Variants in MAF observed in about 807,000 individuals in gnomAD.
MAF encodes MAF bZIP transcription factor.
Under a neutral mutation model 22.0 loss-of-function variants are expected in MAF, and 10 were observed. That is an observed-to-expected ratio of 0.45 (90% CI 0.28 to 0.77). The LOEUF (loss-of-function observed/expected upper bound fraction) is 0.77. Among genes scored for constraint, MAF ranks in the 30% least tolerant of loss-of-function variants. The probability of loss-of-function intolerance (pLI) is 0.12; values close to 1 mark genes in which losing one functional copy is unlikely to be tolerated. For synonymous variants in MAF, 337 were observed against 255.8 expected (o/e 1.32, Z -3.03); for missense variants, 544 against 548.4 (o/e 0.99, Z 0.08).
chr16:79,564,035 C>T, the MAF span, among the ~76,000 whole-genome samples: 23 of 152,190 alleles, frequency 1.5e-4, 1 homozygote, highest in Admixed American at 1.5e-3. Context: ...AAAGAGAGAC[C>T]TTTCAGGCAG....
chr16:79,580,385 A>G, the MAF span, among the ~76,000 whole-genome samples: 6 of 152,254 alleles, frequency 3.9e-5, no homozygotes, highest in Non-Finnish European at 1.5e-5. Context: ...CAAACTGCAC[A>G]TGCTGACTAG....
At chr16:79,394,544 A>T in the MAF span, among the ~76,000 whole-genome samples, 1 of 152,250 alleles carries the variant, frequency 6.6e-6, no homozygotes, top group Admixed American at 6.5e-5. Context: ...CTGTCTTCCC[A>T]ACTTGAGGGG....
At chr16:79,416,807 G>A in the MAF span, among the ~76,000 whole-genome samples, 1 of 152,164 alleles carries the variant, frequency 6.6e-6, no homozygotes, top group Non-Finnish European at 1.5e-5. Flanking sequence ...TGGGGAAGCC[G>A]CTGTGTTGTT....
At chr16:79,556,497 G>A in the MAF span, among the ~76,000 whole-genome samples, 50 of 152,324 alleles carry the variant, frequency 3.3e-4, no homozygotes, top group Admixed American at 5.2e-4. Context: ...CCTGCAGAAG[G>A]AGACTGTAAG....
the MAF span, chr16:79,202,928 A>C: frequency 7.2e-5 from 11 of 152,324 alleles, 1 homozygote; most frequent in African/African-American, 2.6e-4. Context: ...TAGAATGCAA[A>C]CTTTAAAAAA....
chr16:79,405,802 G>A, the MAF span, among the ~76,000 whole-genome samples: 1 of 152,164 alleles, frequency 6.6e-6, no homozygotes, highest in South Asian at 2.1e-4. Flanking sequence ...AGAGGTAGGA[G>A]GTGCTCGCCT....
At chr16:79,456,467 G>T in the MAF span, among the ~76,000 whole-genome samples, 1 of 152,108 alleles carries the variant, frequency 6.6e-6, no homozygotes, top group East Asian at 1.9e-4. Flanking sequence ...AGCCTCAGGG[G>T]TCCACATAAT....
the MAF span, among the ~76,000 whole-genome samples, chr16:79,301,400 A>C: frequency 2.6e-5 from 4 of 152,076 alleles, no homozygotes; most frequent in Non-Finnish European, 4.4e-5. Context: ...TGCTCTTGTT[A>C]TACAACTTAA....
chr16:79,265,889 G>A, the MAF span, among the ~76,000 whole-genome samples: 1 of 152,208 alleles, frequency 6.6e-6, no homozygotes, highest in Non-Finnish European at 1.5e-5. Flanking sequence ...CAGCAGTCGA[G>A]CTGATGACTG....
the MAF span, among the ~76,000 whole-genome samples, chr16:79,534,655 A>T: frequency 1.3e-5 from 2 of 152,168 alleles, no homozygotes; most frequent in African/African-American, 4.8e-5. Flanking sequence ...GTTAATGGGT[A>T]CAGCACACCA....
At chr16:79,552,270 G>A in the MAF span, among the ~76,000 whole-genome samples, 1 of 151,794 alleles carries the variant, frequency 6.6e-6, no homozygotes, top group Non-Finnish European at 1.5e-5. Context: ...TTGGAGTGCA[G>A]TTCAGCAACC....
the MAF span, among the ~76,000 whole-genome samples, chr16:79,468,188 A>T: frequency 6.6e-6 from 1 of 152,086 alleles, no homozygotes; most frequent in African/African-American, 2.4e-5. Context: ...CCCTGCACAT[A>T]CTCACGAGAA....
the MAF span, among the ~76,000 whole-genome samples, chr16:79,408,509 C>G: frequency 1.3e-5 from 2 of 152,144 alleles, no homozygotes; most frequent in African/African-American, 4.8e-5. Context: ...ATCTCATTGA[C>G]TTTTAATAAG....
the MAF span, among the ~76,000 whole-genome samples, chr16:79,477,242 C>T: frequency 6.6e-6 from 1 of 152,222 alleles, no homozygotes; most frequent in African/African-American, 2.4e-5. Context: ...CCACCAGAGC[C>T]TCTGTCATGC....
At chr16:79,252,613 C>T in the MAF span, among the ~76,000 whole-genome samples, 1 of 152,134 alleles carries the variant, frequency 6.6e-6, no homozygotes, top group African/African-American at 2.4e-5. Context: ...CCTGAGCCAC[C>T]AAGGTAGCTG....
chr16:79,523,062 A>T, the MAF span, among the ~76,000 whole-genome samples: 1 of 152,144 alleles, frequency 6.6e-6, no homozygotes, highest in Non-Finnish European at 1.5e-5. Flanking sequence ...TAAAAATTTT[A>T]CCCTCTAGGT....
chr16:79,485,513 C>T, the MAF span, among the ~76,000 whole-genome samples: 5 of 152,276 alleles, frequency 3.3e-5, no homozygotes, highest in African/African-American at 7.2e-5. Flanking sequence ...CGTCTCTGAG[C>T]CCAGCACATA....
In MAF at chr16:79,599,567, G is replaced by GTCCTCGGGGCTGAAGCCCAGC; in HGVS notation, c.315_335dup (p.Glu111_Asp112insGluLeuGlyPheSerProGlu). ...TGTTGCTGATGAGCGCCTCGACCGC[G>GTCCTCGGGGCTGAAGCCCAGC]TCCTCGGGGCTGAAGCCCAGCGCCT... On this transcript the variant is annotated inframe_insertion, in exon 1 of 2. Coordinates refer to ENST00000326043, the MANE Select transcript of MAF (RefSeq NM_005360.5). 1 of 1,596,058 alleles carries GTCCTCGGGGCTGAAGCCCAGC rather than the reference G, an allele frequency of 6.3e-7. No homozygotes were observed. Among genetic ancestry groups the GTCCTCGGGGCTGAAGCCCAGC allele is most frequent in the Non-Finnish European group, 8.5e-7 (1 of 1,172,178 alleles).
At chr16:79,535,592 T>TTTC in the MAF span, among the ~76,000 whole-genome samples, 1 of 148,230 alleles carries the variant, frequency 6.7e-6, no homozygotes, top group Non-Finnish European at 1.5e-5. Context: ...TCTTCTTTTT[T>TTTC]TTTTTTTTTT....
Sources: allele counts gnomAD v4.1 joint callset (sites outside exome capture counted in the v4.1 genomes callset), GRCh38; gene constraint gnomAD v4.1.1; transcripts MANE v1.5; gene names NCBI Gene and HGNC (gene_info 2026-07-23, HGNC 2026-07-21).